The following WDR72 variants were observed in gnomAD, a reference collection of about 807,000 sequenced individuals.
WDR72 encodes the protein WD repeat-containing protein 72.
A neutral mutation model predicts 124.2 loss-of-function variants in WDR72; 120 were observed. The ratio of observed to expected loss-of-function variants is 0.97; its 90% CI spans 0.83 to 1.12. The LOEUF (loss-of-function observed/expected upper bound fraction) is 1.12. Ranked by LOEUF, WDR72 falls within the 50% of genes most tolerant of loss-of-function variation. The pLI, the probability that WDR72 is intolerant of heterozygous loss-of-function variation, is 0.00. For synonymous variants in WDR72, 452 were observed against 441.7 expected (o/e 1.02, Z -0.29); for missense variants, 1,387 against 1,278.8 (o/e 1.08, Z -1.29).
intron 19 of WDR72, among the ~76,000 whole-genome samples, chr15:53,521,245 T>C (rs1164193779): frequency 6.6e-6 from 1 of 152,118 alleles, no homozygotes; most frequent in African/African-American, 2.4e-5. Context: ...CAAGCCCTGG[T>C]CATTTTATAG....
chr15:53,704,910 A>G (rs2017302871), intron 11 of WDR72, 78 bp downstream of exon 11: 4 of 1,543,056 alleles, frequency 2.6e-6, no homozygotes, highest in Non-Finnish European at 3.5e-6. Context: ...TTAGGCCTCT[A>G]AATCTTGTTT....
intron 13 of WDR72, among the ~76,000 whole-genome samples, chr15:53,675,401 T>G (rs1159542226): frequency 6.6e-6 from 1 of 151,902 alleles, no homozygotes; most frequent in Non-Finnish European, 1.5e-5. Flanking sequence ...ACTCTAAGAC[T>G]AAATACAATT....
intron 13 of WDR72, among the ~76,000 whole-genome samples, chr15:53,680,270 G>C (rs1437970207): frequency 6.6e-6 from 1 of 152,108 alleles, no homozygotes; most frequent in Non-Finnish European, 1.5e-5. Flanking sequence ...CCAACCCCAA[G>C]CTTGGCGGAT....
At chr15:53,543,844 C>T (rs932146159) in intron 18 of WDR72, among the ~76,000 whole-genome samples, 3 of 152,112 alleles carry the variant, frequency 2.0e-5, no homozygotes, top group Admixed American at 6.5e-5. Context: ...TACAAACTAC[C>T]ATCAGAGTAC....
chr15:53,748,698 A>C (rs2018703071), intron 1 of WDR72, among the ~76,000 whole-genome samples: 1 of 152,046 alleles, frequency 6.6e-6, no homozygotes, highest in Non-Finnish European at 1.5e-5. Context: ...CATTACTTCA[A>C]CATTCCATCA....
chr15:53,635,636 C>T (rs1221200846), intron 14 of WDR72, among the ~76,000 whole-genome samples: 1 of 152,032 alleles, frequency 6.6e-6, no homozygotes, highest in African/African-American at 2.4e-5. Context: ...GGGAGCTAAA[C>T]ACTGAGCACT....
intron 13 of WDR72, among the ~76,000 whole-genome samples, chr15:53,673,922 C>T (rs894706381): frequency 7.9e-5 from 12 of 151,754 alleles, no homozygotes; most frequent in East Asian, 5.8e-4. Flanking sequence ...ACCCGGGAGG[C>T]GGAGGTTTCA....
intron 14 of WDR72, among the ~76,000 whole-genome samples, chr15:53,643,714 T>C (rs2014937724): frequency 6.6e-6 from 1 of 151,936 alleles, no homozygotes; most frequent in Non-Finnish European, 1.5e-5. Flanking sequence ...AGTTAAAAAC[T>C]GAAACGTGCG....
intron 14 of WDR72, among the ~76,000 whole-genome samples, chr15:53,633,059 T>A (rs2014492306): frequency 6.6e-6 from 1 of 152,092 alleles, no homozygotes; most frequent in Non-Finnish European, 1.5e-5. Context: ...GAGAAGGAGA[T>A]GATATTTGGG....
chr15:53,705,746 A>G (rs978428077), intron 10 of WDR72, among the ~76,000 whole-genome samples, 181 bp downstream of exon 10: 1 of 152,232 alleles, frequency 6.6e-6, no homozygotes, highest in African/African-American at 2.4e-5. Context: ...TACAGGCATG[A>G]GCCACTGTGC....
chr15:53,757,306 C>T (rs184519809), intron 1 of WDR72, among the ~76,000 whole-genome samples: 2 of 150,286 alleles, frequency 1.3e-5, no homozygotes, highest in Non-Finnish European at 3.0e-5. Context: ...CAGAAAGGTA[C>T]CTTTTATGAT....
intron 18 of WDR72, among the ~76,000 whole-genome samples, chr15:53,544,639 A>G (rs1893349626): frequency 6.8e-6 from 1 of 147,672 alleles, no homozygotes; most frequent in Admixed American, 6.7e-5. Context: ...CCTATTCAAC[A>G]TAGTGTTGGA....
chr15:53,577,514 T>C (rs981735037), intron 18 of WDR72, among the ~76,000 whole-genome samples: 1 of 152,138 alleles, frequency 6.6e-6, no homozygotes, highest in Non-Finnish European at 1.5e-5. Flanking sequence ...GTTTGAACCT[T>C]TTAGAAAACT....
chr15:53,726,369 T>C (rs957313646), intron 2 of WDR72, among the ~76,000 whole-genome samples: 4 of 141,836 alleles, frequency 2.8e-5, no homozygotes, highest in Non-Finnish European at 4.6e-5. Context: ...GCGGGGCTGA[T>C]CAGGTATTTC....
At chr15:53,538,177 C>T (rs1008073154) in intron 18 of WDR72, among the ~76,000 whole-genome samples, 2 of 151,924 alleles carry the variant, frequency 1.3e-5, no homozygotes, top group East Asian at 1.9e-4. Context: ...ATATATTAGC[C>T]TTTTAGAGAA....
chr15:53,663,854 G>A (rs964534242), intron 14 of WDR72, among the ~76,000 whole-genome samples: 2 of 148,778 alleles, frequency 1.3e-5, no homozygotes, highest in African/African-American at 5.2e-5. Flanking sequence ...CCCACCTTAT[G>A]TTCAGCTGTT....
chr15:53,667,745 T>C (rs1372920732), intron 13 of WDR72, among the ~76,000 whole-genome samples: 1 of 152,228 alleles, frequency 6.6e-6, no homozygotes, highest in East Asian at 1.9e-4. Flanking sequence ...ATTGTTTACA[T>C]ATTTTGAGAA....
intron 14 of WDR72, among the ~76,000 whole-genome samples, chr15:53,628,062 C>T (rs1057280024): frequency 1.3e-5 from 2 of 152,050 alleles, no homozygotes; most frequent in African/African-American, 2.4e-5. Flanking sequence ...TTGTTCTCAA[C>T]CTTCTTTTCC....
intron 18 of WDR72, among the ~76,000 whole-genome samples, chr15:53,583,643 T>C (rs140002290): frequency 6.6e-6 from 1 of 152,190 alleles, no homozygotes; most frequent in Admixed American, 6.6e-5. Context: ...ATGTTACTGA[T>C]ACCCACAGGT....
Sources: gnomAD v4.1 joint callset for allele counts (sites outside exome capture counted in the v4.1 genomes callset) on GRCh38, gnomAD v4.1.1 for gene constraint, MANE v1.5 for transcripts, NCBI Gene and HGNC (gene_info 2026-07-23, HGNC 2026-07-21) for gene names.